The following ZNF202 variants were observed in gnomAD, a reference collection of about 807,000 sequenced individuals.
ZNF202 encodes zinc finger protein 202, also known as zinc finger protein with KRAB and SCAN domains 10.
A neutral mutation model predicts 54.5 loss-of-function variants in ZNF202; 22 were observed. The observed-to-expected ratio is 0.40, with a 90% CI of 0.29 to 0.58. ZNF202 has a LOEUF of 0.58. Ranked by LOEUF, ZNF202 falls within the 20% of genes least tolerant of loss-of-function variation. The probability of loss-of-function intolerance (pLI) is 0.39; values close to 1 mark genes in which losing one functional copy is unlikely to be tolerated. For synonymous variants in ZNF202, 294 were observed against 301.4 expected (o/e 0.98, Z 0.26); for missense variants, 644 against 805.5 (o/e 0.80, Z 2.43).
In ZNF202 at chr11:123,726,463, G is replaced by A. The variant is rs752509301; in HGVS notation, c.1481C>T (p.Ser494Leu). The A allele has an allele frequency of 6.2e-7, 1 of 1,614,236 alleles. No homozygotes were observed. Among genetic ancestry groups the A allele is most frequent in the African/African-American group, 1.3e-5 (1 of 75,058 alleles). Residue 494 changes from serine to leucine, a missense_variant, in exon 9 of 9, where the codon TCA becomes TTA. Transcript: ENST00000530393. The surrounding 1 kb of genome is among the most constrained non-coding windows in gnomAD (Gnocchi z 6.0). The part of the protein sequence containing the change: ...DDCGKHFRWT[S>L]DLVRHQRTHT... ...TGTCCTCTGATGTCTGACAAGGTCTGAAGTCCAGCGGAAGTGCTTTCCGCA... is the reference window on the plus strand; with the variant it reads ...TGTCCTCTGATGTCTGACAAGGTCTAAAGTCCAGCGGAAGTGCTTTCCGCA...
At chr11:123,736,802 T>C (rs918907547) in intron 3 of ZNF202, among the ~76,000 whole-genome samples, 1 of 152,160 alleles carries the variant, frequency 6.6e-6, no homozygotes, top group Non-Finnish European at 1.5e-5. Context: ...TTATCTCATG[T>C]GGTTGTTTTA....
At chr11:123,736,263 A>G (rs1191514931) in intron 3 of ZNF202, among the ~76,000 whole-genome samples, 1 of 152,214 alleles carries the variant, frequency 6.6e-6, no homozygotes, top group Non-Finnish European at 1.5e-5. Flanking sequence ...TGGACCCTAA[A>G]TGACAAAGTC....
In ZNF202 at chr11:123,726,159, G is replaced by C. The variant is rs1199170341; in HGVS notation, c.1785C>G (p.Cys595Trp). Residue 595 changes from cysteine to tryptophan, a missense_variant, in exon 9 of 9, where the codon TGC (cysteine) becomes TGG (tryptophan). Around this residue, in one of 3 missense-constraint regions of ZNF202, gnomAD observed 536 missense variants for 635.3 expected, o/e 0.84. Coordinates refer to ENST00000530393, the MANE Select transcript of ZNF202 (RefSeq NM_003455.4). The surrounding 1 kb of genome is among the most constrained non-coding windows in gnomAD (Gnocchi z 6.0). ...RGHASVRPCR[C>W]NECGKSFSRR... ...GACTGAAGCTCTTCCCACATTCGTT[G>C]CATCGGCAGGGCCTCACTGAGGCGT... 5.6e-6 allele frequency: 9 copies of C among 1,614,240 alleles called. No individual in the cohort carries two copies. Among genetic ancestry groups the C allele is most frequent in the Non-Finnish European group, 7.6e-6 (9 of 1,180,050 alleles).
In ZNF202 at chr11:123,728,182, G is replaced by A; in HGVS notation, c.783C>T (p.Phe261=). Residue 261 remains phenylalanine, a synonymous_variant, in exon 7 of 9, where the codon TTC becomes TTT. Coordinates refer to ENST00000530393, the MANE Select transcript of ZNF202 (RefSeq NM_003455.4). Reference sequence around the variant, plus strand: ...CTTCTTCCAAGACATATTCTCCATAGAACTCTTTCTGTGTTGGGTCCAGAT... The same window carrying A: ...CTTCTTCCAAGACATATTCTCCATAAAACTCTTTCTGTGTTGGGTCCAGAT... The part of the protein sequence containing the change: ...WSDLDPTQKE[F]YGEYVLEEDC... 1 of 1,612,928 alleles carries A rather than the reference G, an allele frequency of 6.2e-7. No homozygotes were observed. The highest frequency in any genetic ancestry group is 8.5e-7 in the Non-Finnish European group (1 of 1,179,308).
At chr11:123,727,789 C>T (rs554890507) in intron 7 of ZNF202, among the ~76,000 whole-genome samples, 194 bp from the exon 8 acceptor site, 1 of 152,294 alleles carries the variant, frequency 6.6e-6, no homozygotes, top group Admixed American at 6.5e-5. Flanking sequence ...TTTTCACCTG[C>T]AACTTAATAA....
chr11:123,734,932 T>C (rs1183308833), intron 3 of ZNF202, among the ~76,000 whole-genome samples: 1 of 152,010 alleles, frequency 6.6e-6, no homozygotes, highest in Admixed American at 6.5e-5. Context: ...GTTCCCAAGA[T>C]GATGGAACCA....
Position 123,726,108 on chromosome 11 carries a change from C to T in ZNF202, c.1836G>A (p.Gln612=), listed in dbSNP as rs1252608454. 1 of 1,614,086 alleles carries T rather than the reference C, an allele frequency of 6.2e-7. No homozygotes were observed. Among genetic ancestry groups the T allele is most frequent in the Admixed American group, 1.7e-5 (1 of 60,008 alleles). The change falls in exon 9 of 9, where the codon CAG becomes CAA. Residue 612 remains glutamine (Q), a synonymous_variant. Transcript: ENST00000530393. The surrounding 1 kb of genome is among the most constrained non-coding windows in gnomAD (Gnocchi z 6.0). ...FSRRDHLVRH[Q]RTHTGEKPFT... is the part of the protein sequence containing the mutation. ...ATGGTTTCTCCCCAGTGTGTGTTCT[C>T]TGATGCCTGACGAGGTGGTCCCTGC...
rs542793798 is a variant in ZNF202 at position 123,731,255 on chromosome 11, G to A, written c.-97-270C>T. On this transcript the variant is annotated intron_variant, in intron 3 of 8. Coordinates refer to ENST00000530393, the MANE Select transcript of ZNF202 (RefSeq NM_003455.4). ...CTTCACAAATACTGCCAATTCCCCC[G>A]CTTAAGTCTCCAAACCGGTTCCCTT... Among the ~76,000 whole-genome samples, 14 of 152,184 alleles carry A rather than the reference G, an allele frequency of 9.2e-5. No homozygotes were observed. In the South Asian group the frequency reaches 2.7e-3, roughly 29 times the overall value.
rs200352637 is a variant in ZNF202 at position 123,728,302 on chromosome 11, G to A, written c.703-40C>T. 1,302 of 1,572,834 alleles carry A rather than the reference G, an allele frequency of 8.3e-4. 1 individual carries two copies. The highest frequency in any genetic ancestry group is 1.0e-3 in the Non-Finnish European group (1,214 of 1,156,674). On this transcript the variant is annotated intron_variant, in intron 6 of 8. Transcript: ENST00000530393. ...GGATTTCATCAAAACGTGATGCTAC[G>A]GGTAGCCTCGTATTTTGTCCCTGTT...
intron 3 of ZNF202, among the ~76,000 whole-genome samples, chr11:123,732,003 G>C (rs11219260): frequency 1.7e-3 from 266 of 152,162 alleles, no homozygotes; most frequent in African/African-American, 6.1e-3. Context: ...CCTACAACAG[G>C]GTGTCTTTTC....
At chr11:123,735,562 C>T (rs527576123) in intron 3 of ZNF202, among the ~76,000 whole-genome samples, 3 of 152,244 alleles carry the variant, frequency 2.0e-5, no homozygotes, top group Admixed American at 2.0e-4. Context: ...GGAGGTACAG[C>T]AGTGCTGTGC....
rs776546724 is a variant in ZNF202, at chr11:123,729,133, A to G, written c.695T>C (p.Leu232Pro). The change falls in exon 6 of 9, where the codon CTG becomes CCG. Residue 232 changes from leucine (L) to proline (P), a missense_variant. Physicochemically the swap from Leu to Pro is moderately conservative, Grantham distance 98. Coordinates refer to ENST00000530393, the MANE Select transcript of ZNF202 (RefSeq NM_003455.4). ...GAGGTAACTAGGGCACACCTGTGAC[A>G]GAGCAGTAAGAAGAGCAACCATCTC... ...DSEMVALLTA[L>P]SQGLVTFKDV... 6.2e-7 allele frequency: 1 copy of G among 1,613,830 alleles called. No homozygotes were observed. Among genetic ancestry groups the G allele is most frequent in the African/African-American group, 1.3e-5 (1 of 74,938 alleles).
chr11:123,738,656 G>A (rs3741114), intron 3 of ZNF202: 103,559 of 152,100 alleles, frequency 0.68, 35,462 homozygotes, highest in Middle Eastern at 0.82. Context: ...GGGAAATAAC[G>A]CAATAACATA....
At chr11:123,739,204 T>C (rs547382313) in intron 3 of ZNF202, among the ~76,000 whole-genome samples, 10 of 152,194 alleles carry the variant, frequency 6.6e-5, no homozygotes, top group Non-Finnish European at 1.3e-4. Context: ...TTCACAGGGA[T>C]AGCTGTAGGA....
chr11:123,738,088 T>C (rs1054513099), intron 3 of ZNF202, among the ~76,000 whole-genome samples: 8 of 152,192 alleles, frequency 5.3e-5, no homozygotes, highest in Admixed American at 2.6e-4. Flanking sequence ...CACAACTCAC[T>C]GCAATCTCTG....
intron 3 of ZNF202, among the ~76,000 whole-genome samples, chr11:123,735,803 T>C (rs1336047932): frequency 1.3e-5 from 2 of 152,250 alleles, no homozygotes; most frequent in African/African-American, 2.4e-5. Flanking sequence ...AGAAAACAGA[T>C]GTTGTGTTTT....
At position 123,725,165 on chromosome 11, in the gene ZNF202, C is replaced by G. The variant is rs575105082; in HGVS notation, c.*832G>C. ...TACTCAATAAGCACTCAAACACTACCATCTCACTTGTAGTAGAAGTGCTAG... is the reference window on the plus strand; with the variant it reads ...TACTCAATAAGCACTCAAACACTACGATCTCACTTGTAGTAGAAGTGCTAG... On this transcript the variant is annotated 3_prime_UTR_variant, in exon 9 of 9. Coordinates refer to ENST00000530393, the MANE Select transcript of ZNF202 (RefSeq NM_003455.4). 6.6e-6 allele frequency: 1 copy of G among 152,180 alleles called. No individual in the cohort carries two copies. The highest frequency in any genetic ancestry group is 1.5e-5 in the Non-Finnish European group (1 of 68,042). 9.4% of individuals were successfully genotyped at this position (152,180 alleles called of 1,614,324 possible).
At chr11:123,738,144 T>G (rs907334909) in intron 3 of ZNF202, among the ~76,000 whole-genome samples, 7 of 152,168 alleles carry the variant, frequency 4.6e-5, no homozygotes, top group African/African-American at 1.7e-4. Context: ...CCTAAGTATC[T>G]GGGACTACAG....
rs543035179 is a variant in ZNF202 at position 123,736,458 on chromosome 11, A to T, written c.-98+3659T>A. Reference sequence around the variant, plus strand: ...CCTATAGTTTGGTAATTTTAATACAACTACTTGCTGGGGCTAACCAGGGCC... The same window carrying T: ...CCTATAGTTTGGTAATTTTAATACATCTACTTGCTGGGGCTAACCAGGGCC... On this transcript the variant is annotated intron_variant, in intron 3 of 8. Coordinates refer to ENST00000530393, the MANE Select transcript of ZNF202 (RefSeq NM_003455.4). Among the ~76,000 whole-genome samples, 3 of 152,354 alleles carry T rather than the reference A, an allele frequency of 2.0e-5. No homozygotes were observed. In the East Asian group the frequency reaches 5.8e-4, roughly 29 times the overall value.
Sources: allele counts gnomAD v4.1 joint callset (sites outside exome capture counted in the v4.1 genomes callset), GRCh38; gene constraint gnomAD v4.1.1; regional missense constraint gnomAD v4.1.1; non-coding constraint Gnocchi (gnomAD v3.1); transcripts MANE v1.5; gene names NCBI Gene and HGNC (gene_info 2026-07-23, HGNC 2026-07-21).